ZNF251: variants seen among roughly 807,000 people sequenced by gnomAD.
The protein encoded by ZNF251 is zinc finger protein 251.
Under a neutral mutation model 13.5 loss-of-function variants are expected in ZNF251, and 14 were observed. The ratio of observed to expected loss-of-function variants is 1.04; its 90% CI spans 0.69 to 1.63. The LOEUF (loss-of-function observed/expected upper bound fraction) is 1.63, where lower values mean the gene tolerates loss of function less well. Ranked by LOEUF, ZNF251 falls within the 40% of genes most tolerant of loss-of-function variation. ZNF251 has a pLI of 0.00. For missense variants in ZNF251, 764 were observed against 834.9 expected, an observed-to-expected ratio of 0.92 and a Z score of 1.05; for synonymous variants, 287 against 295.2, an observed-to-expected ratio of 0.97 and a Z score of 0.28.
chr8:144,754,222 G>C lies in ZNF251; in HGVS notation c.133C>G (p.Leu45Val). The change falls in exon 3 of 5, where the codon CTG becomes GTG. Residue 45 changes from leucine to valine, a missense_variant. Transcript: ENST00000292562. ...GAGGCCACGTTCCCATAGTTCTCCA[G>C]CATCACATCCCGGTAGAGCGCCCGC... ...QQRALYRDVMLENYGNVASLG... is the reference protein window; with the variant it reads ...QQRALYRDVMVENYGNVASLG... The C allele has an allele frequency of 6.2e-7, 1 of 1,614,066 alleles. No individual in the cohort carries two copies. The highest frequency in any genetic ancestry group is 8.5e-7 in the Non-Finnish European group (1 of 1,179,968).
At chr8:144,736,105 G>C (rs1325753714) in intron 4 of ZNF251, among the ~76,000 whole-genome samples, 1 of 152,208 alleles carries the variant, frequency 6.6e-6, no homozygotes, top group Non-Finnish European at 1.5e-5. Context: ...GGGACAACCA[G>C]AAAACAAGCT....
Position 144,754,206 on chromosome 8 carries a change from T to C in ZNF251, c.149A>G (p.Asn50Ser). 6.2e-7 allele frequency: 1 copy of C among 1,613,838 alleles called. No homozygotes were observed. The highest frequency in any genetic ancestry group is 8.5e-7 in the Non-Finnish European group (1 of 1,179,846). The change falls in exon 3 of 5, where the codon AAC becomes AGC. Residue 50 changes from asparagine (N) to serine (S), a missense_variant. Physicochemically the swap from Asn to Ser is conservative, Grantham distance 46. Transcript: ENST00000292562. ...GAGAGCCTCACCCAGAGAGGCCACG[T>C]TCCCATAGTTCTCCAGCATCACATC... is the stretch of plus-strand genomic sequence containing the variant. ...YRDVMLENYG[N>S]VASLGFPVPK...
chr8:144,745,279 G>A (rs752604595), intron 4 of ZNF251, among the ~76,000 whole-genome samples: 6 of 136,224 alleles, frequency 4.4e-5, no homozygotes, highest in Non-Finnish European at 6.1e-5. Context: ...AGGTGTGTTT[G>A]TTCCCTTGTC....
At chr8:144,741,424 T>TA in intron 4 of ZNF251, among the ~76,000 whole-genome samples, 1 of 152,110 alleles carries the variant, frequency 6.6e-6, no homozygotes, top group Non-Finnish European at 1.5e-5. Context: ...CAGATACACA[T>TA]ACACCCATAC....
chr8:144,752,568 C>T (rs1042298972), intron 4 of ZNF251, among the ~76,000 whole-genome samples: 1 of 152,156 alleles, frequency 6.6e-6, no homozygotes, highest in Non-Finnish European at 1.5e-5. Context: ...TATAATTTTA[C>T]AATCTTAGCT....
Position 144,754,315 on chromosome 8 carries a change from G to T in ZNF251, c.40C>A (p.Pro14Thr), listed in dbSNP as rs1471054716. Residue 14 changes from proline to threonine, a missense_variant, in exon 3 of 5, where the codon CCG (proline) becomes ACG (threonine). By Grantham distance (38) the Pro-to-Thr change is conservative (BLOSUM62 -1). Transcript: ENST00000292562. ...ACGGCCACATCCTGGAAGGTCAGCG[G>T]CATCTCCTGCAACAAAACATCGCCG... ...TFQLPGHQEM[P>T]LTFQDVAVYF... The T allele has an allele frequency of 1.9e-6, 3 of 1,606,350 alleles. No individual in the cohort carries two copies. In the African/African-American group the frequency reaches 4.0e-5, roughly 21 times the overall value.
chr8:144,753,574 T>TG lies in ZNF251; in HGVS notation c.277+108dup. On this transcript the variant is annotated intron_variant, in intron 4 of 4. Transcript: ENST00000292562. ...GGGGCTGTATCTGTGAGACTGCCCC[T>TG]GGGGGAGGCCATTAATATGAACGCC... is the stretch of plus-strand genomic sequence containing the variant. 4 of 786,324 alleles carry TG rather than the reference T, an allele frequency of 5.1e-6. No individual in the cohort carries two copies. The East Asian group carries it at 1.1e-4, about 21-fold the overall frequency. 48.7% of individuals were successfully genotyped at this position (786,324 alleles called of 1,614,324 possible). A position where few individuals can be genotyped will look rare whatever the true frequency, so the allele number is the denominator to read the frequency against.
chr8:144,747,556 G>C (rs1214546463), intron 4 of ZNF251, among the ~76,000 whole-genome samples: 2 of 152,232 alleles, frequency 1.3e-5, no homozygotes, highest in African/African-American at 4.8e-5. Flanking sequence ...TCCAACTGCA[G>C]ACAGTGAACT....
chr8:144,754,933 A>C (rs1586715074), intron 1 of ZNF251, 130 bp from the exon 2 acceptor site: 2 of 1,424,942 alleles, frequency 1.4e-6, no homozygotes, highest in East Asian at 5.2e-5. Flanking sequence ...GCACGGGCCG[A>C]CGTGCCCTAC....
chr8:144,733,472 C>T (rs188197687), intron 4 of ZNF251, among the ~76,000 whole-genome samples: 69 of 152,364 alleles, frequency 4.5e-4, no homozygotes, highest in Admixed American at 2.0e-3. Context: ...CCTCCGGCAG[C>T]GGCCTGAGTT....
chr8:144,739,729 T>C lies in ZNF251; in HGVS notation c.277+13954A>G, dbSNP rs542381263. Among the ~76,000 whole-genome samples, 10 of 152,092 alleles carry C rather than the reference T, an allele frequency of 6.6e-5. No homozygotes were observed. In the East Asian group the frequency reaches 1.7e-3, roughly 27 times the overall value. ...CCCTGACCAATATGGTGAAACCTTG[T>C]CTCTACCAAAAATACAAAAATTATC... On this transcript the variant is annotated intron_variant, in intron 4 of 4. Transcript: ENST00000292562.
At chr8:144,739,557 G>A (rs1040008410) in intron 4 of ZNF251, among the ~76,000 whole-genome samples, 1 of 152,186 alleles carries the variant, frequency 6.6e-6, no homozygotes, top group African/African-American at 2.4e-5. Context: ...CTTGACATAT[G>A]AACTACATAG....
intron 4 of ZNF251, among the ~76,000 whole-genome samples, chr8:144,724,612 C>T (rs941020897): frequency 2.0e-5 from 3 of 152,146 alleles, no homozygotes; most frequent in Admixed American, 1.3e-4. Context: ...GCCATATGTA[C>T]GTTGAAATGA....
intron 4 of ZNF251, among the ~76,000 whole-genome samples, chr8:144,741,553 G>T (rs1384569458): frequency 2.0e-5 from 3 of 152,184 alleles, no homozygotes; most frequent in Non-Finnish European, 2.9e-5. Flanking sequence ...GTCAGATGTT[G>T]AAACTAACAG....
intron 4 of ZNF251, among the ~76,000 whole-genome samples, chr8:144,747,256 A>AG (rs539837185): frequency 2.6e-4 from 40 of 152,346 alleles, no homozygotes; most frequent in African/African-American, 9.1e-4. Context: ...CAAGTACTTT[A>AG]GGATTTTCTA....
intron 4 of ZNF251, among the ~76,000 whole-genome samples, chr8:144,728,683 T>C (rs957409240): frequency 6.9e-6 from 1 of 145,558 alleles, no homozygotes; most frequent in Admixed American, 6.8e-5. Flanking sequence ...AAAAAAAGGT[T>C]TGAAATACTG....
In ZNF251 at chr8:144,723,200, T is replaced by G; in HGVS notation, c.460A>C (p.Ser154Arg). The G allele has an allele frequency of 6.2e-7, 1 of 1,612,548 alleles. No homozygotes were observed. The highest frequency in any genetic ancestry group is 8.5e-7 in the Non-Finnish European group (1 of 1,179,302). The change falls in exon 5 of 5, where the codon AGT becomes CGT. Residue 154 changes from serine to arginine, a missense_variant. Coordinates refer to ENST00000292562, the MANE Select transcript of ZNF251 (RefSeq NM_138367.2). ...TTGTGAATATTGGGTTTGTTCAAAC[T>G]CTGCCCGGCAGAATTTCCCACGCGC... ...KERVGNSAGQ[S>R]LNKPNIHKRV...
intron 4 of ZNF251, among the ~76,000 whole-genome samples, chr8:144,751,873 A>G (rs1309775535): frequency 6.6e-6 from 1 of 152,150 alleles, no homozygotes; most frequent in Non-Finnish European, 1.5e-5. Context: ...AAGATATACT[A>G]TGCTAACAGT....
intron 4 of ZNF251, among the ~76,000 whole-genome samples, chr8:144,727,232 C>G (rs1356390329): frequency 6.6e-6 from 1 of 152,164 alleles, no homozygotes; most frequent in East Asian, 1.9e-4. Context: ...TAATCTGTGC[C>G]GGTTCCATGG....
Sources: allele counts gnomAD v4.1 joint callset (sites outside exome capture counted in the v4.1 genomes callset), GRCh38; gene constraint gnomAD v4.1.1; transcripts MANE v1.5; gene names NCBI Gene and HGNC (gene_info 2026-07-23, HGNC 2026-07-21).